The following CNTNAP2 variants were observed in gnomAD, a reference collection of about 807,000 sequenced individuals.
The protein encoded by CNTNAP2 is contactin-associated protein-like 2.
In CNTNAP2, 98 loss-of-function variants were observed where a neutral mutation model predicts 155.2. That is an observed-to-expected ratio of 0.63 (90% CI 0.54 to 0.75). The LOEUF is 0.75. Among genes scored for constraint, CNTNAP2 ranks in the 30% least tolerant of loss-of-function variants. The pLI is 0.00. For missense variants in CNTNAP2, 1,727 were observed against 1,688.1 expected (o/e 1.02, Z -0.40); for synonymous variants, 651 against 631.2 (o/e 1.03, Z -0.47).
At chr7:146,810,436 G>A (rs1803044586) in intron 2 of CNTNAP2, among the ~76,000 whole-genome samples, 1 of 149,272 alleles carries the variant, frequency 6.7e-6, no homozygotes, top group African/African-American at 2.5e-5. Flanking sequence ...GCATTTTATT[G>A]TTTAGATGCT....
At chr7:147,662,643 A>C (rs935119911) in intron 13 of CNTNAP2, among the ~76,000 whole-genome samples, 9 of 152,190 alleles carry the variant, frequency 5.9e-5, no homozygotes, top group African/African-American at 2.2e-4. Context: ...ATTTGGTTGT[A>C]GGAATTATTC....
intron 15 of CNTNAP2, among the ~76,000 whole-genome samples, chr7:147,980,741 G>A (rs1013470266): frequency 2.7e-5 from 4 of 149,058 alleles, no homozygotes; most frequent in Admixed American, 1.3e-4. Context: ...TGGCTAACGC[G>A]GTGAAACCCC....
intron 1 of CNTNAP2, among the ~76,000 whole-genome samples, chr7:146,375,896 C>T (rs544041380): frequency 1.1e-4 from 17 of 152,248 alleles, no homozygotes; most frequent in African/African-American, 3.4e-4. Context: ...ATGCCAGATA[C>T]GTGGGAAAAT....
chr7:147,967,523 G>A (rs1194871064), intron 14 of CNTNAP2, among the ~76,000 whole-genome samples: 10 of 152,112 alleles, frequency 6.6e-5, no homozygotes, highest in African/African-American at 1.7e-4. Context: ...GGGAAATTGC[G>A]TAGAACTACA....
chr7:146,377,739 C>A (rs1241844538), intron 1 of CNTNAP2, among the ~76,000 whole-genome samples: 2 of 152,126 alleles, frequency 1.3e-5, no homozygotes, highest in Non-Finnish European at 2.9e-5. Context: ...ATGATATATA[C>A]TAATATATTT....
At chr7:147,198,829 A>G (rs1802862029) in intron 8 of CNTNAP2, among the ~76,000 whole-genome samples, 1 of 152,186 alleles carries the variant, frequency 6.6e-6, no homozygotes, top group Admixed American at 6.5e-5. Context: ...AGAAACTGCA[A>G]CAACAAACTT....
chr7:147,421,624 TATATATACATAAAG>T (rs1797292804), intron 10 of CNTNAP2, among the ~76,000 whole-genome samples: 1 of 150,124 alleles, frequency 6.7e-6, no homozygotes, highest in African/African-American at 2.5e-5. Flanking sequence ...TATGCTGAGA[TATATATACATAAAG>T]ATATATACAT....
At chr7:148,086,056 T>C (rs1249365037) in intron 15 of CNTNAP2, among the ~76,000 whole-genome samples, 1 of 152,226 alleles carries the variant, frequency 6.6e-6, no homozygotes, top group African/African-American at 2.4e-5. Flanking sequence ...TATTTTCTTA[T>C]GAAACAACCT....
chr7:148,370,923 TC>T (rs1798875832), intron 21 of CNTNAP2, among the ~76,000 whole-genome samples: 1 of 152,088 alleles, frequency 6.6e-6, no homozygotes, highest in African/African-American at 2.4e-5. Flanking sequence ...CATCCACAGT[TC>T]CTTCCAGTCT....
intron 10 of CNTNAP2, among the ~76,000 whole-genome samples, chr7:147,432,043 C>T (rs190360221): frequency 1.2e-4 from 19 of 152,282 alleles, no homozygotes; most frequent in Admixed American, 5.2e-4. Context: ...ATCTGACCTG[C>T]GCCCCTTGTT....
intron 1 of CNTNAP2, among the ~76,000 whole-genome samples, chr7:146,558,054 A>T (rs1798222657): frequency 6.6e-6 from 1 of 152,214 alleles, no homozygotes; most frequent in Non-Finnish European, 1.5e-5. Flanking sequence ...AACTCCGGGC[A>T]TGACAGTTTC....
At chr7:146,809,038 A>G (rs1189838661) in intron 2 of CNTNAP2, among the ~76,000 whole-genome samples, 1 of 152,200 alleles carries the variant, frequency 6.6e-6, no homozygotes, top group Non-Finnish European at 1.5e-5. Context: ...AAAAATGCAG[A>G]TATCCCTTCA....
chr7:147,555,547 A>T (rs1054083390), intron 11 of CNTNAP2, among the ~76,000 whole-genome samples: 1 of 152,234 alleles, frequency 6.6e-6, no homozygotes, highest in African/African-American at 2.4e-5. Flanking sequence ...AATTAGATTT[A>T]AAATTATTTC....
Position 148,401,292 on chromosome 7 carries a change from G to C in CNTNAP2, c.3716-8099G>C, listed in dbSNP as rs533325217. Among the ~76,000 whole-genome samples the C allele has an allele frequency of 3.5e-4, 53 of 152,206 alleles. No individual in the cohort carries two copies. In the South Asian group the frequency reaches 0.01, roughly 29 times the overall value. ...GACTCTGGCACCCACCAACCATGTG[G>C]CTTTCACCTAATTATCATCCATTCT... On this transcript the variant is annotated intron_variant, in intron 22 of 23. Coordinates refer to ENST00000361727, the MANE Select transcript of CNTNAP2 (RefSeq NM_014141.6).
chr7:146,581,022 C>T (rs901782989), intron 1 of CNTNAP2, among the ~76,000 whole-genome samples: 1 of 152,068 alleles, frequency 6.6e-6, no homozygotes, highest in Non-Finnish European at 1.5e-5. Flanking sequence ...TAATTCAGAA[C>T]AATATGACTG....
At position 147,342,126 on chromosome 7, in the gene CNTNAP2, T is replaced by TA. The variant is rs549025233; in HGVS notation, c.1498+41839dup. Among the ~76,000 whole-genome samples the TA allele has an allele frequency of 7.2e-5, 11 of 152,200 alleles. No homozygotes were observed. In the South Asian group the frequency reaches 2.3e-3, roughly 32 times the overall value. On this transcript the variant is annotated intron_variant, in intron 9 of 23. Transcript: ENST00000361727. Reference sequence around the variant, plus strand: ...CTGGCATCTCTTCTACTAGGGACACTAAACCTGCCATGAAGGCTACACTCT... The same window carrying TA: ...CTGGCATCTCTTCTACTAGGGACACTAAAACCTGCCATGAAGGCTACACTCT...
intron 1 of CNTNAP2, among the ~76,000 whole-genome samples, chr7:146,354,618 T>A (rs1794971006): frequency 6.6e-6 from 1 of 152,048 alleles, no homozygotes; most frequent in African/African-American, 2.4e-5. Flanking sequence ...CTTCACAATG[T>A]TGGCCAGGCT....
chr7:147,169,982 G>A (rs1268010124), intron 8 of CNTNAP2, among the ~76,000 whole-genome samples: 2 of 151,946 alleles, frequency 1.3e-5, no homozygotes, highest in Non-Finnish European at 2.9e-5. Context: ...CCATTGCTGA[G>A]GAGGTAGTGG....
At chr7:146,782,569 C>A (rs564653798) in intron 2 of CNTNAP2, among the ~76,000 whole-genome samples, 1 of 152,080 alleles carries the variant, frequency 6.6e-6, no homozygotes, top group South Asian at 2.1e-4. Flanking sequence ...ATTACTATAT[C>A]TGAACCAGGA....
Sources: gnomAD v4.1 joint callset for allele counts (sites outside exome capture counted in the v4.1 genomes callset) on GRCh38, gnomAD v4.1.1 for gene constraint, MANE v1.5 for transcripts, NCBI Gene and HGNC (gene_info 2026-07-23, HGNC 2026-07-21) for gene names.